The following ATR variants were observed in gnomAD, a reference collection of about 807,000 sequenced individuals.
The protein encoded by ATR is ATR checkpoint kinase.
A neutral mutation model predicts 305.3 loss-of-function variants in ATR; 142 were observed. The ratio of observed to expected loss-of-function variants is 0.47; its 90% CI spans 0.41 to 0.53. ATR has a LOEUF of 0.53. Ranked by LOEUF, ATR falls within the 20% of genes least tolerant of loss-of-function variation. The probability of loss-of-function intolerance (pLI) is 0.00; values close to 1 mark genes in which losing one functional copy is unlikely to be tolerated. For missense variants in ATR, 2,135 were observed against 3,133.1 expected (o/e 0.68, Z 7.60); for synonymous variants, 1,050 against 1,068.1 (o/e 0.98, Z 0.33).
intron 45 of ATR, among the ~76,000 whole-genome samples, chr3:142,454,367 C>T (rs1279675011): frequency 1.3e-5 from 2 of 151,752 alleles, no homozygotes; most frequent in African/African-American, 4.9e-5. Flanking sequence ...TGATATACTT[C>T]CTATTTCAGA....
intron 45 of ATR, among the ~76,000 whole-genome samples, chr3:142,453,867 A>G (rs1350735701): frequency 1.3e-5 from 2 of 152,170 alleles, no homozygotes; most frequent in African/African-American, 4.8e-5. Flanking sequence ...CTCCGTCTCT[A>G]CGGCCGTGAC....
In ATR at chr3:142,453,200, C is replaced by T. The variant is rs765380657; in HGVS notation, c.7689G>A (p.Val2563=). 17 of 1,613,380 alleles carry T rather than the reference C, an allele frequency of 1.1e-5. No homozygotes were observed. Among genetic ancestry groups the T allele is most frequent in the Non-Finnish European group, 1.4e-5 (16 of 1,179,458 alleles). Residue 2563 remains valine, a synonymous_variant, in exon 46 of 47, where the codon GTG becomes GTA. Coordinates refer to ENST00000350721, the MANE Select transcript of ATR (RefSeq NM_001184.4). ...GCCCTTTCACTGGTTTACTCCATTCCACAAGAGGATCATGTAGAAAAGTCT... is the reference window on the plus strand; with the variant it reads ...GCCCTTTCACTGGTTTACTCCATTCTACAAGAGGATCATGTAGAAAAGTCT... ...VLKTFLHDPL[V]EWSKPVKGHS...
chr3:142,468,121 A>AAAAGAT (rs2071173761), intron 38 of ATR, 53 bp from the exon 39 acceptor site: 1 of 1,590,964 alleles, frequency 6.3e-7, no homozygotes, highest in African/African-American at 1.4e-5. Flanking sequence ...CAGGATTTTT[A>AAAAGAT]AAAGATAAAT....
chr3:142,495,425 G>A (rs1420357897), intron 34 of ATR, among the ~76,000 whole-genome samples: 3 of 152,140 alleles, frequency 2.0e-5, no homozygotes, highest in African/African-American at 7.2e-5. Context: ...ACTAGCCTGA[G>A]GAGAAATTTA....
chr3:142,456,488 T>A (rs2070910295), intron 45 of ATR, among the ~76,000 whole-genome samples: 1 of 151,418 alleles, frequency 6.6e-6, no homozygotes, highest in African/African-American at 2.4e-5. Context: ...ACGAGAATCG[T>A]TTGAACCCAG....
intron 21 of ATR, among the ~76,000 whole-genome samples, chr3:142,530,290 T>C (rs1344083253): frequency 1.3e-5 from 2 of 152,164 alleles, no homozygotes; most frequent in Non-Finnish European, 2.9e-5. Context: ...ATTTCTCTTG[T>C]TTTTTAAATT....
Position 142,450,856 on chromosome 3 carries a change from T to G in ATR, c.7762-1254A>C. On this transcript the variant is annotated intron_variant, in intron 46 of 46. Transcript: ENST00000350721. The stretch of plus-strand genomic sequence containing the variant: ...CGTTCAGTTGCCATTTCTGGAAGTG[T>G]TCTCCGACCAAGCAGACAGATACCA... 4 of 1,342,838 alleles carry G rather than the reference T, an allele frequency of 3.0e-6. No homozygotes were observed. In the East Asian group the frequency reaches 1.3e-4, roughly 43 times the overall value. The allele number at this position is 1,342,838 out of a possible 1,614,324, so 83.2% of individuals were successfully genotyped here.
chr3:142,531,196 T>A (rs2033624343), intron 21 of ATR, among the ~76,000 whole-genome samples: 1 of 152,172 alleles, frequency 6.6e-6, no homozygotes. Context: ...GATGTAGGCA[T>A]CCACCATTAT....
intron 2 of ATR, among the ~76,000 whole-genome samples, 169 bp from the exon 3 acceptor site, chr3:142,566,430 A>G (rs1187721997): frequency 1.3e-5 from 2 of 152,050 alleles, no homozygotes; most frequent in Non-Finnish European, 2.9e-5. Context: ...ACCAGCCTGG[A>G]TAAGATGTCA....
At chr3:142,542,998 C>G (rs963662855) in intron 16 of ATR, among the ~76,000 whole-genome samples, 2 of 152,038 alleles carry the variant, frequency 1.3e-5, no homozygotes, top group African/African-American at 2.4e-5. Flanking sequence ...TTAAACAGTA[C>G]AGTACAATGA....
chr3:142,460,333 C>G (rs1430971845), intron 42 of ATR, among the ~76,000 whole-genome samples: 3 of 152,008 alleles, frequency 2.0e-5, no homozygotes, highest in Non-Finnish European at 4.4e-5. Context: ...TTCTTGGTAC[C>G]TGGGAATGTG....
At chr3:142,572,961 A>C (rs1409869920) in intron 1 of ATR, among the ~76,000 whole-genome samples, 2 of 152,266 alleles carry the variant, frequency 1.3e-5, no homozygotes, top group East Asian at 3.9e-4. Context: ...ACTAGACTAT[A>C]AGCTCCTACA....
Position 142,522,797 on chromosome 3 carries a change from C to T in ATR, c.4197G>A (p.Glu1399=), listed in dbSNP as rs772756621. 2 of 1,613,624 alleles carry T rather than the reference C, an allele frequency of 1.2e-6. No individual in the cohort carries two copies. Among genetic ancestry groups the T allele is most frequent in the East Asian group, 2.2e-5 (1 of 44,842 alleles). Residue 1399 remains glutamate, a synonymous_variant, in exon 23 of 47, where the codon GAG becomes GAA. Coordinates refer to ENST00000350721, the MANE Select transcript of ATR (RefSeq NM_001184.4). ...CATACGCAAGGTAAGCTCTTGTTAG[C>T]TCCATCAATAATCCATAGGCAAAGC... The part of the protein sequence containing the change: ...DSSFAYGLLM[E]LTRAYLAYAD...
intron 35 of ATR, 32 bp from the exon 36 acceptor site, chr3:142,485,314 G>A (rs1181397942): frequency 2.5e-6 from 4 of 1,612,602 alleles, no homozygotes; most frequent in East Asian, 2.2e-5. Context: ...ACCTACCTAA[G>A]GAAATCCCAC....
In ATR at chr3:142,562,848, TG is replaced by T; in HGVS notation, c.553del (p.His185ThrfsTer12). 6.2e-7 allele frequency: 1 copy of T among 1,609,410 alleles called. No homozygotes were observed. The highest frequency in any genetic ancestry group is 8.5e-7 in the Non-Finnish European group (1 of 1,178,472). On this transcript the variant is annotated frameshift_variant, in exon 4 of 47. Transcript: ENST00000350721. LOFTEE classifies it high-confidence loss of function. Reference protein sequence around the residue: ...MSRFLSQLDEHMGYLQSAPLQ... With the variant: ...MSRFLSQLDEXMGYLQSAPLQ... ...AGGAGCTGATTGTAAATATCCCATG[TG>T]TTCATCTAATTGACTTAAAAATCGG...
chr3:142,527,410 A>C (rs939765680), intron 21 of ATR, among the ~76,000 whole-genome samples: 1 of 152,080 alleles, frequency 6.6e-6, no homozygotes, highest in Non-Finnish European at 1.5e-5. Context: ...CTAATCTTTT[A>C]AGCTTTCTAT....
intron 29 of ATR, 105 bp from the exon 30 acceptor site, chr3:142,503,558 T>G (rs2074865801): frequency 1.8e-6 from 1 of 546,816 alleles, no homozygotes; most frequent in East Asian, 3.5e-5. Flanking sequence ...TTTACCTTAT[T>G]GCCCTTATTT....
At chr3:142,463,948 T>C (rs1308134227) in intron 41 of ATR, among the ~76,000 whole-genome samples, 2 of 152,206 alleles carry the variant, frequency 1.3e-5, no homozygotes, top group Non-Finnish European at 2.9e-5. Context: ...GATCAATTTT[T>C]ACCAATGGAA....
chr3:142,522,993 A>G (rs1382312823), intron 22 of ATR, 152 bp from the exon 23 acceptor site: 1 of 681,928 alleles, frequency 1.5e-6, no homozygotes, highest in Non-Finnish European at 2.6e-6. Flanking sequence ...TAAGTTTGGT[A>G]TCAAGACTAC....
Sources: allele counts gnomAD v4.1 joint callset (sites outside exome capture counted in the v4.1 genomes callset), GRCh38; gene constraint gnomAD v4.1.1; transcripts MANE v1.5; gene names NCBI Gene and HGNC (gene_info 2026-07-23, HGNC 2026-07-21).